The following CIT variants were observed in gnomAD, a reference collection of about 807,000 sequenced individuals.
CIT encodes citron Rho-interacting kinase.
CIT carries 79 observed loss-of-function variants against 272.7 expected under a neutral mutation model. That is an observed-to-expected ratio of 0.29 (90% CI 0.24 to 0.35). CIT has a LOEUF of 0.35. CIT is among the 10% of genes least tolerant of loss of function. The probability of loss-of-function intolerance (pLI) is 1.00; values close to 1 mark genes in which losing one functional copy is unlikely to be tolerated. For missense variants in CIT, 1,909 were observed against 2,618.3 expected (o/e 0.73, Z 5.91); for synonymous variants, 948 against 995.6 (o/e 0.95, Z 0.90).
chr12:119,740,904 A>T (rs1959027279), intron 24 of CIT, among the ~76,000 whole-genome samples: 1 of 152,190 alleles, frequency 6.6e-6, no homozygotes, highest in African/African-American at 2.4e-5. Flanking sequence ...CCACCACCAC[A>T]TCAGGAAATA....
At chr12:119,796,502 G>T (rs973931770) in intron 10 of CIT, among the ~76,000 whole-genome samples, 1 of 152,180 alleles carries the variant, frequency 6.6e-6, no homozygotes, top group Non-Finnish European at 1.5e-5. Flanking sequence ...GGGTAGGGAA[G>T]GTGGTAGTTT....
chr12:119,850,506 G>C, intron 4 of CIT, among the ~76,000 whole-genome samples: 1 of 151,396 alleles, frequency 6.6e-6, no homozygotes, highest in East Asian at 1.9e-4. Context: ...GGGAAGAAAA[G>C]GGAAGGGAAG....
intron 16 of CIT, among the ~76,000 whole-genome samples, chr12:119,773,434 G>A (rs966800126): frequency 6.6e-6 from 1 of 151,968 alleles, no homozygotes; most frequent in African/African-American, 2.4e-5. Context: ...GACTTCACCT[G>A]TTTTGCTTTT....
chr12:119,800,937 C>T (rs1212487105), intron 10 of CIT, among the ~76,000 whole-genome samples: 1 of 152,102 alleles, frequency 6.6e-6, no homozygotes, highest in African/African-American at 2.4e-5. Flanking sequence ...TAGGTATCAC[C>T]CACAGGGCTG....
chr12:119,768,989 A>G lies in CIT; in HGVS notation c.2208+1796T>C, dbSNP rs1247688775. Among the ~76,000 whole-genome samples the G allele has an allele frequency of 6.6e-6, 1 of 152,184 alleles. No individual in the cohort carries two copies. Among genetic ancestry groups the G allele is most frequent in the Non-Finnish European group, 1.5e-5 (1 of 68,026 alleles). Reference sequence around the variant, plus strand: ...TCTAATAAATGAAGTCACAACCACAAAGGTACTCCGGCGGGTGGCAAGATA... The same window carrying G: ...TCTAATAAATGAAGTCACAACCACAGAGGTACTCCGGCGGGTGGCAAGATA... On this transcript the variant is annotated intron_variant, in intron 18 of 47. Coordinates refer to ENST00000392521, the MANE Select transcript of CIT (RefSeq NM_001206999.2). This position sits in a 1 kb window ranked among gnomAD's most constrained non-coding sequence, Gnocchi z 4.3.
intron 4 of CIT, among the ~76,000 whole-genome samples, chr12:119,853,837 T>C (rs1423053674): frequency 6.6e-6 from 1 of 152,032 alleles, no homozygotes; most frequent in Admixed American, 6.6e-5. Context: ...GTCTGACCCC[T>C]GAAGCTTCCA....
At chr12:119,780,715 C>T (rs188127444) in intron 13 of CIT, among the ~76,000 whole-genome samples, 4 of 152,322 alleles carry the variant, frequency 2.6e-5, no homozygotes, top group Admixed American at 2.0e-4. Context: ...AAACTAAATA[C>T]TGAAAGTTTG....
chr12:119,846,769 G>T (rs868077849), intron 5 of CIT, among the ~76,000 whole-genome samples: 3 of 151,932 alleles, frequency 2.0e-5, no homozygotes, highest in African/African-American at 7.3e-5. Context: ...GCTAGGCATG[G>T]TGGTTTGTAC....
At position 119,772,907 on chromosome 12, in the gene CIT, C is replaced by T. The variant is rs772140057; in HGVS notation, c.1945G>A (p.Val649Ile). The T allele has an allele frequency of 6.2e-7, 1 of 1,612,120 alleles. No individual in the cohort carries two copies. The highest frequency in any genetic ancestry group is 8.5e-7 in the Non-Finnish European group (1 of 1,179,356). The change falls in exon 17 of 48, where the codon GTA (valine) becomes ATA (isoleucine). Residue 649 changes from valine to isoleucine, a missense_variant. By Grantham distance (29) the Val-to-Ile change is conservative. This residue lies in a region of CIT where 530 missense variants were observed against 822.4 expected (regional missense o/e 0.64). Transcript: ENST00000392521. The stretch of plus-strand genomic sequence containing the variant: ...TCGGTGGCCTCCGTGCTGGCTTTTA[C>T]AGCCTAGGAAGAGAGAAGGAAAAGG... ...QELQEKLEKA[V>I]KASTEATELL... is the part of the protein sequence containing the mutation.
chr12:119,778,650 C>T (rs7299548), intron 13 of CIT, among the ~76,000 whole-genome samples: 1 of 151,814 alleles, frequency 6.6e-6, no homozygotes, highest in Non-Finnish European at 1.5e-5. Context: ...ACGCCCCCCC[C>T]CCAGAGCATA....
intron 9 of CIT, among the ~76,000 whole-genome samples, chr12:119,822,170 A>C (rs1319448226): frequency 2.0e-5 from 3 of 152,232 alleles, no homozygotes; most frequent in Admixed American, 2.0e-4. Context: ...TCCAAGAATT[A>C]AAAGGATTTT....
At position 119,855,642 on chromosome 12, in the gene CIT, C is replaced by T. The variant is rs543434026; in HGVS notation, c.414+1881G>A. Among the ~76,000 whole-genome samples, 3 of 152,006 alleles carry T rather than the reference C, an allele frequency of 2.0e-5. 1 individual carries two copies. In the South Asian group the frequency reaches 6.2e-4, roughly 32 times the overall value. On this transcript the variant is annotated intron_variant, in intron 4 of 47. Coordinates refer to ENST00000392521, the MANE Select transcript of CIT (RefSeq NM_001206999.2). The stretch of plus-strand genomic sequence containing the variant: ...CCAAATGGCTCAGTTAAGGACCCTA[C>T]TTTTCTTTTCTATGCATCCTCTTAA...
At chr12:119,854,995 A>T (rs898741434) in intron 4 of CIT, among the ~76,000 whole-genome samples, 2 of 152,158 alleles carry the variant, frequency 1.3e-5, no homozygotes, top group African/African-American at 4.8e-5. Flanking sequence ...GTGGCAGCAC[A>T]TGCCTATGGT....
In CIT at chr12:119,712,435, C is replaced by A. The variant is rs977546321; in HGVS notation, c.4685-88G>T. ...GGGCCTGAGAGATCAAAGATGCCCA[C>A]CAAACCACGCAAATCCCAGTTACCG... On this transcript the variant is annotated intron_variant, in intron 36 of 47. Transcript: ENST00000392521. This position sits in a 1 kb window ranked among gnomAD's most constrained non-coding sequence, Gnocchi z 5.2. 3 of 1,464,894 alleles carry A rather than the reference C, an allele frequency of 2.0e-6. No individual in the cohort carries two copies. The highest frequency in any genetic ancestry group is 2.8e-6 in the Non-Finnish European group (3 of 1,072,660). 90.7% of individuals were successfully genotyped at this position (1,464,894 alleles called of 1,614,324 possible). A position where few individuals can be genotyped will look rare whatever the true frequency, so the allele number is the denominator to read the frequency against.
intron 9 of CIT, among the ~76,000 whole-genome samples, chr12:119,816,976 A>G (rs1641906041): frequency 6.6e-6 from 1 of 152,224 alleles, no homozygotes; most frequent in African/African-American, 2.4e-5. Context: ...TCTGGCCCCA[A>G]ATGTCAACAG....
At position 119,686,056 on chromosome 12, in the gene CIT, T is replaced by C. The variant is rs529554918; in HGVS notation, c.*2176A>G. The C allele has an allele frequency of 6.7e-4, 102 of 152,526 alleles. No individual in the cohort carries two copies. The highest frequency in any genetic ancestry group is 2.3e-3 in the African/African-American group (97 of 41,476). 9.4% of individuals were successfully genotyped at this position (152,526 alleles called of 1,614,324 possible). On this transcript the variant is annotated 3_prime_UTR_variant, in exon 48 of 48. Transcript: ENST00000392521. ...TCCAGTGAAGATGGCTGTCCACAACTACCACCATTGAAACCAAAAGTAAGT... is the reference window on the plus strand; with the variant it reads ...TCCAGTGAAGATGGCTGTCCACAACCACCACCATTGAAACCAAAAGTAAGT...
intron 5 of CIT, among the ~76,000 whole-genome samples, chr12:119,843,064 A>G (rs1253533582): frequency 6.6e-6 from 1 of 152,212 alleles, no homozygotes; most frequent in Non-Finnish European, 1.5e-5. Flanking sequence ...GGCTTCTGGA[A>G]GAAGTGAAAT....
chr12:119,732,490 A>C (rs977176586), intron 26 of CIT, among the ~76,000 whole-genome samples: 20 of 152,150 alleles, frequency 1.3e-4, no homozygotes, highest in African/African-American at 4.8e-4. Context: ...GGGGAGTCTA[A>C]GGATTCAGAA....
At chr12:119,709,244 T>C (rs1229455958) in intron 39 of CIT, among the ~76,000 whole-genome samples, 1 of 152,156 alleles carries the variant, frequency 6.6e-6, no homozygotes. Flanking sequence ...CCATAGAATG[T>C]ATACCACCAA....
Sources: gnomAD v4.1 joint callset for allele counts (sites outside exome capture counted in the v4.1 genomes callset) on GRCh38, gnomAD v4.1.1 for gene constraint, gnomAD v4.1.1 regional missense constraint, Gnocchi (gnomAD v3.1) non-coding constraint, MANE v1.5 for transcripts, NCBI Gene and HGNC (gene_info 2026-07-23, HGNC 2026-07-21) for gene names.